The following KHDC1 variants were observed in gnomAD, a reference collection of about 807,000 sequenced individuals.
KHDC1 encodes KH homology domain-containing protein 1.
A neutral mutation model predicts 24.7 loss-of-function variants in KHDC1; 21 were observed. The observed-to-expected ratio is 0.85, with a 90% CI of 0.60 to 1.23. The LOEUF is 1.23. KHDC1 is among the 50% of genes most tolerant of loss of function. The probability of loss-of-function intolerance (pLI) is 0.00; values close to 1 mark genes in which losing one functional copy is unlikely to be tolerated. For missense variants in KHDC1, 274 were observed against 298.5 expected, an observed-to-expected ratio of 0.92 and a Z score of 0.61; for synonymous variants, 98 against 111.7, an observed-to-expected ratio of 0.88 and a Z score of 0.77.
At chr6:73,274,090 G>C (rs1767233941) in intron 2 of KHDC1, 1 of 152,160 alleles carries the variant, frequency 6.6e-6, no homozygotes, top group East Asian at 1.9e-4. Context: ...GGGTGACAGA[G>C]TGAGACCCTT....
Position 73,263,200 on chromosome 6 carries a change from G to T in KHDC1, c.207-20670C>A. ...CGAGGCGCGCTCGAGCGGAAGTGGCGGCGACCCCGCCGGAAGCGCGCGGCT... is the reference window on the plus strand; with the variant it reads ...CGAGGCGCGCTCGAGCGGAAGTGGCTGCGACCCCGCCGGAAGCGCGCGGCT... On this transcript the variant is annotated intron_variant, in intron 2 of 4. Coordinates refer to ENST00000370384, the Ensembl canonical transcript of KHDC1. 1.0e-6 allele frequency: 1 copy of T among 987,302 alleles called. No homozygotes were observed. Among genetic ancestry groups the T allele is most frequent in the Non-Finnish European group, 1.2e-6 (1 of 830,914 alleles). The allele number at this position is 987,302 out of a possible 1,614,324, so 61.2% of individuals were successfully genotyped here. A position where few individuals can be genotyped will look rare whatever the true frequency, so the allele number is the denominator to read the frequency against.
At chr6:73,269,624 CT>C in intron 2 of KHDC1, 1 of 151,246 alleles carries the variant, frequency 6.6e-6, no homozygotes, top group Non-Finnish European at 1.5e-5. Flanking sequence ...TAATGGTTTC[CT>C]GTGGTATGGT....
intron 1 of KHDC1, among the ~76,000 whole-genome samples, chr6:73,309,124 T>G (rs534647046): frequency 7.2e-5 from 11 of 152,224 alleles, no homozygotes; most frequent in Non-Finnish European, 1.6e-4. Context: ...CCTGGCAGTT[T>G]GCATTTTTAA....
At chr6:73,250,703 G>A (rs1766763499) in intron 2 of KHDC1, among the ~76,000 whole-genome samples, 2 of 152,230 alleles carry the variant, frequency 1.3e-5, no homozygotes, top group Admixed American at 6.5e-5. Context: ...GCGCTCAGCA[G>A]TGTTCCACTC....
At chr6:73,285,334 C>CTTT (rs750881240) in intron 2 of KHDC1, among the ~76,000 whole-genome samples, 1 of 142,020 alleles carries the variant, frequency 7.0e-6, no homozygotes. Context: ...CATGACTCTT[C>CTTT]TTTTTTTTTT....
intron 2 of KHDC1, among the ~76,000 whole-genome samples, chr6:73,248,384 C>T (rs1366360231): frequency 6.6e-6 from 1 of 151,524 alleles, no homozygotes; most frequent in East Asian, 1.9e-4. Flanking sequence ...CTCTCTCTCT[C>T]CTCTATCTGT....
intron 2 of KHDC1, among the ~76,000 whole-genome samples, chr6:73,258,180 G>A (rs1362522139): frequency 1.3e-5 from 2 of 152,180 alleles, no homozygotes; most frequent in Non-Finnish European, 2.9e-5. Context: ...ACTTGAATCC[G>A]GGAGGTAGAG....
chr6:73,303,030 T>C (rs1206441254), intron 1 of KHDC1, among the ~76,000 whole-genome samples: 2 of 152,218 alleles, frequency 1.3e-5, no homozygotes, highest in African/African-American at 2.4e-5. Context: ...TGAGTCGACA[T>C]TGTGCCACTG....
At chr6:73,254,467 AAAATAAATAAATAAATAAAT>A (rs199968966) in intron 2 of KHDC1, among the ~76,000 whole-genome samples, 116 of 140,606 alleles carry the variant, frequency 8.2e-4, no homozygotes, top group Middle Eastern at 3.6e-3. Context: ...TCTTAAAATA[AAAATAAATAAATAAATAAAT>A]AAATAAATAA....
intron 1 of KHDC1, among the ~76,000 whole-genome samples, chr6:73,296,909 GT>G (rs1440586490): frequency 6.6e-6 from 1 of 151,996 alleles, no homozygotes; most frequent in Non-Finnish European, 1.5e-5. Context: ...ATATGTTTTT[GT>G]TTTTGTTTTG....
chr6:73,261,527 T>C (rs1186324544), intron 2 of KHDC1, among the ~76,000 whole-genome samples: 1 of 151,868 alleles, frequency 6.6e-6, no homozygotes, highest in Non-Finnish European at 1.5e-5. Flanking sequence ...CCCAACACTT[T>C]GGGAGGTCGA....
intron 2 of KHDC1, chr6:73,290,757 C>T (rs1767634591): frequency 1.1e-5 from 4 of 349,354 alleles, no homozygotes. Flanking sequence ...CATCTTCTGC[C>T]ACCCACATCT....
rs775194977 is a variant in KHDC1, at chr6:73,285,646, TTTC to T, written c.206+6349_206+6351del. Among the ~76,000 whole-genome samples, 663 of 145,706 alleles carry T rather than the reference TTTC, an allele frequency of 4.6e-3. 8 individuals carry two copies. The highest frequency in any genetic ancestry group is 0.016 in the African/African-American group (603 of 37,592). ...ACTGTGCCCGGCCCATTTTCTTTTT[TTTC>T]TTTTTTTTTTTTTTTTATTATACTC... On this transcript the variant is annotated intron_variant, in intron 2 of 4. Transcript: ENST00000370384.
At chr6:73,241,852 C>T in intron 4 of KHDC1, 124 bp from the exon 4 acceptor site, 3 of 1,109,624 alleles carry the variant, frequency 2.7e-6, no homozygotes, top group Non-Finnish European at 3.8e-6. Context: ...CCAAGGTAGC[C>T]CATTTACACC....
chr6:73,287,567 G>A (rs1254629728), intron 2 of KHDC1, among the ~76,000 whole-genome samples: 1 of 152,198 alleles, frequency 6.6e-6, no homozygotes, highest in Non-Finnish European at 1.5e-5. Flanking sequence ...GGAGAGGCCA[G>A]ATCCCCAGGA....
At position 73,291,206 on chromosome 6, in the gene KHDC1, T is replaced by G. The variant is rs945817834; in HGVS notation, c.206+792A>C. The G allele has an allele frequency of 8.0e-5, 37 of 462,430 alleles. 1 individual carries two copies. The highest frequency in any genetic ancestry group is 4.8e-4 in the South Asian group (30 of 62,668). The allele number at this position is 462,430 out of a possible 1,614,324, so 28.6% of individuals were successfully genotyped here. On this transcript the variant is annotated intron_variant, in intron 2 of 4. Coordinates refer to ENST00000370384, the Ensembl canonical transcript of KHDC1. ...GAGCACTTAGCCTACCATGAATGAC[T>G]GGTCTGCAACTTCCACTGCTCAGAC...
intron 2 of KHDC1, among the ~76,000 whole-genome samples, chr6:73,277,988 T>C (rs1259756160): frequency 9.0e-6 from 1 of 111,648 alleles, no homozygotes; most frequent in East Asian, 2.3e-4. Flanking sequence ...TGTAGATGCT[T>C]TCTCTCTCTC....
Position 73,248,837 on chromosome 6 carries a change from G to GT in KHDC1, c.207-6308dup, listed in dbSNP as rs530163240. Among the ~76,000 whole-genome samples, 256 of 151,054 alleles carry GT rather than the reference G, an allele frequency of 1.7e-3. 1 individual carries two copies. The highest frequency in any genetic ancestry group is 6.0e-3 in the African/African-American group (248 of 41,168). The stretch of plus-strand genomic sequence containing the variant: ...GTCCTGTGGAGCTATTTGGTATTGC[G>GT]TATCAGTGTTAATGTCTGAACTTCA... On this transcript the variant is annotated intron_variant, in intron 2 of 4. Coordinates refer to ENST00000370384, the Ensembl canonical transcript of KHDC1.
At chr6:73,279,543 C>T (rs1463132474) in intron 2 of KHDC1, among the ~76,000 whole-genome samples, 1 of 150,404 alleles carries the variant, frequency 6.6e-6, no homozygotes, top group East Asian at 1.9e-4. Flanking sequence ...ATTTTTTTCT[C>T]CATTTGCCTC....
Sources: gnomAD v4.1 joint callset for allele counts (sites outside exome capture counted in the v4.1 genomes callset) on GRCh38, gnomAD v4.1.1 for gene constraint, MANE v1.5 for transcripts, NCBI Gene and HGNC (gene_info 2026-07-23, HGNC 2026-07-21) for gene names.